The following TYW1B variants were observed in gnomAD, a reference collection of about 807,000 sequenced individuals.
TYW1B encodes the protein tRNA-yW synthesizing protein 1 homolog B.
A neutral mutation model predicts 86.9 loss-of-function variants in TYW1B; 73 were observed. That is an observed-to-expected ratio of 0.84 (90% CI 0.70 to 1.02). The LOEUF is 1.02. Ranked by LOEUF, TYW1B falls within the 50% of genes least tolerant of loss-of-function variation. The pLI, the probability that TYW1B is intolerant of heterozygous loss-of-function variation, is 0.00. For synonymous variants in TYW1B, 248 were observed against 292.8 expected (o/e 0.85, Z 1.56); for missense variants, 637 against 827.4 (o/e 0.77, Z 2.82).
chr7:72,709,543 C>A (rs1373168345), intron 10 of TYW1B, among the ~76,000 whole-genome samples: 1 of 152,130 alleles, frequency 6.6e-6, no homozygotes, highest in African/African-American at 2.4e-5. Context: ...TGGTGGGTGC[C>A]TGTAGTCCCA....
chr7:72,762,651 G>C (rs1585964806), intron 7 of TYW1B, among the ~76,000 whole-genome samples: 1 of 151,930 alleles, frequency 6.6e-6, no homozygotes, highest in Non-Finnish European at 1.5e-5. Context: ...CAAGGTACTA[G>C]GGTGTTTTTT....
intron 13 of TYW1B, among the ~76,000 whole-genome samples, chr7:72,594,364 G>C (rs1811477133): frequency 6.7e-6 from 1 of 149,090 alleles, no homozygotes; most frequent in Non-Finnish European, 1.5e-5. Context: ...AACTGTAAGA[G>C]TGTACTATAA....
chr7:72,702,986 CTATATATATATATA>C (rs371144509), intron 10 of TYW1B, among the ~76,000 whole-genome samples: 3,030 of 36,252 alleles, frequency 0.084, 210 homozygotes, highest in Middle Eastern at 0.16. Flanking sequence ...ATCTATCTAT[CTATATATATATATA>C]TATATATATA....
At chr7:72,643,324 C>T (rs1352436400) in intron 11 of TYW1B, among the ~76,000 whole-genome samples, 14 of 152,144 alleles carry the variant, frequency 9.2e-5, no homozygotes, top group African/African-American at 1.4e-4. Context: ...ACAGTGCTCA[C>T]GGCTGTAATC....
chr7:72,756,320 C>T (rs1787588483), intron 7 of TYW1B, among the ~76,000 whole-genome samples: 1 of 151,738 alleles, frequency 6.6e-6, no homozygotes, highest in Non-Finnish European at 1.5e-5. Context: ...CTGCAACCTC[C>T]GCCTCCCGGG....
At chr7:72,789,215 C>A (rs1412616262) in intron 6 of TYW1B, among the ~76,000 whole-genome samples, 1 of 151,874 alleles carries the variant, frequency 6.6e-6, no homozygotes, top group Non-Finnish European at 1.5e-5. Flanking sequence ...CTCACTGCAA[C>A]CTCCGCCTCC....
At chr7:72,762,990 T>C (rs147617653) in intron 7 of TYW1B, among the ~76,000 whole-genome samples, 124 of 152,148 alleles carry the variant, frequency 8.1e-4, no homozygotes, top group African/African-American at 2.8e-3. Context: ...TACATTTCTC[T>C]ATAATATAGT....
intron 3 of TYW1B, among the ~76,000 whole-genome samples, chr7:72,813,416 T>C (rs1788661918): frequency 6.6e-6 from 1 of 152,166 alleles, no homozygotes; most frequent in Admixed American, 6.6e-5. Flanking sequence ...CCACAGGTGA[T>C]CCACCTACCT....
chr7:72,634,457 A>G lies in TYW1B; in HGVS notation c.1507-5460T>C, dbSNP rs1449504044. Among the ~76,000 whole-genome samples the G allele has an allele frequency of 4.1e-5, 6 of 148,124 alleles. No individual in the cohort carries two copies. In the East Asian group the frequency reaches 1.2e-3, roughly 29 times the overall value. On this transcript the variant is annotated intron_variant, in intron 11 of 13. Coordinates refer to ENST00000620995, the MANE Select transcript of TYW1B (RefSeq NM_001145440.3). Reference sequence around the variant, plus strand: ...TCTTGCCTTGGCCTCCCAAAGTGCTAGGATTACAGGCATGAGCCAACGTGC... The same window carrying G: ...TCTTGCCTTGGCCTCCCAAAGTGCTGGGATTACAGGCATGAGCCAACGTGC...
chr7:72,601,129 G>A (rs535777995), intron 13 of TYW1B, among the ~76,000 whole-genome samples: 6 of 148,664 alleles, frequency 4.0e-5, no homozygotes, highest in Admixed American at 6.8e-5. Context: ...CAACAAGAGC[G>A]AAACTCTGTC....
At chr7:72,819,134 G>GT (rs1476672001) in intron 2 of TYW1B, among the ~76,000 whole-genome samples, 3 of 152,110 alleles carry the variant, frequency 2.0e-5, no homozygotes, top group African/African-American at 7.2e-5. Flanking sequence ...CAAAGGCCCA[G>GT]TGGAGGTTAT....
At chr7:72,632,646 G>C (rs1554440172) in intron 11 of TYW1B, among the ~76,000 whole-genome samples, 2 of 146,806 alleles carry the variant, frequency 1.4e-5, no homozygotes, top group Admixed American at 1.4e-4. Flanking sequence ...TCCAATGAGA[G>C]TTTACAATTC....
intron 9 of TYW1B, among the ~76,000 whole-genome samples, chr7:72,727,811 CAA>C (rs10714290): frequency 4.6e-4 from 49 of 107,654 alleles, no homozygotes; most frequent in Admixed American, 1.2e-3. Flanking sequence ...AGATCCGGTC[CAA>C]AAAAAAAAAA....
intron 7 of TYW1B, among the ~76,000 whole-genome samples, chr7:72,756,410 T>C (rs1427261456): frequency 6.6e-6 from 1 of 151,892 alleles, no homozygotes; most frequent in Non-Finnish European, 1.5e-5. Context: ...AATTTTTTTT[T>C]TTTTAGTAGA....
intron 6 of TYW1B, among the ~76,000 whole-genome samples, chr7:72,793,285 T>C (rs1788250267): frequency 2.7e-5 from 4 of 150,004 alleles, no homozygotes; most frequent in Non-Finnish European, 3.0e-5. Flanking sequence ...TGCAGTGAGC[T>C]GAGATCGCAT....
At chr7:72,608,539 T>G (rs2129568236) in intron 13 of TYW1B, among the ~76,000 whole-genome samples, 1 of 152,286 alleles carries the variant, frequency 6.6e-6, no homozygotes, top group African/African-American at 2.4e-5. Context: ...TACGAAGAGA[T>G]GCACTCAACA....
At chr7:72,703,024 A>T (rs1210315887) in intron 10 of TYW1B, among the ~76,000 whole-genome samples, 1,193 of 8,004 alleles carry the variant, frequency 0.15, 29 homozygotes, top group African/African-American at 0.19. Flanking sequence ...ATATATATAT[A>T]TATTTTTTTT....
At chr7:72,607,859 C>G (rs1252007513) in intron 13 of TYW1B, among the ~76,000 whole-genome samples, 2 of 152,272 alleles carry the variant, frequency 1.3e-5, no homozygotes, top group Non-Finnish European at 2.9e-5. Flanking sequence ...GCTGAGCATG[C>G]CTCCAAAACA....
At chr7:72,641,241 G>A (rs191474242) in intron 11 of TYW1B, among the ~76,000 whole-genome samples, 10 of 152,114 alleles carry the variant, frequency 6.6e-5, no homozygotes, top group African/African-American at 2.4e-4. Flanking sequence ...AGACCTACAA[G>A]TCAAGAGATT....
Sources: allele counts gnomAD v4.1 joint callset (sites outside exome capture counted in the v4.1 genomes callset), GRCh38; gene constraint gnomAD v4.1.1; transcripts MANE v1.5; gene names NCBI Gene and HGNC (gene_info 2026-07-23, HGNC 2026-07-21).